The following CLCN5 variants were observed in gnomAD, a reference collection of about 807,000 sequenced individuals.
CLCN5 encodes the protein Cl-/H+ antiporter 5.
In CLCN5, 17 loss-of-function variants were observed where a neutral mutation model predicts 54.0. The observed-to-expected ratio is 0.31, with a 90% confidence interval of 0.22 to 0.47. The LOEUF (loss-of-function observed/expected upper bound fraction) is 0.47, where lower values mean the gene tolerates loss of function less well. Ranked by LOEUF, CLCN5 falls within the 20% of genes least tolerant of loss-of-function variation. The probability of loss-of-function intolerance (pLI) is 1.00; values close to 1 mark genes in which losing one functional copy is unlikely to be tolerated. For missense variants in CLCN5, 448 were observed against 646.7 expected, an observed-to-expected ratio of 0.69 and a Z score of 3.33; for synonymous variants, 222 against 233.0, an observed-to-expected ratio of 0.95 and a Z score of 0.43.
rs187172772 is a variant in CLCN5 at position 49,935,728 on chromosome X, C to T, written c.16+10414C>T. Among the ~76,000 whole-genome samples, 3 of 110,983 alleles carry T rather than the reference C, an allele frequency of 2.7e-5. No individual in the cohort carries two copies. In the Admixed American group the frequency reaches 2.9e-4, roughly 11 times the overall value. ...AGGCAGAGGAGACAAGGTGGAAATC[C>T]CTGAGGTGGGAAGAATCCCTGGGTC... On this transcript the variant is annotated intron_variant, in intron 3 of 14. Coordinates refer to ENST00000376091, the MANE Select transcript of CLCN5 (RefSeq NM_001127898.4).
chrX:49,977,095 C>A (rs1928517153), intron 3 of CLCN5, among the ~76,000 whole-genome samples: 1 of 110,947 alleles, frequency 9.0e-6, no homozygotes, highest in African/African-American at 3.3e-5. Flanking sequence ...CTGTGGTTCC[C>A]AGATTTTATT....
At chrX:49,999,254 A>G (rs781898994) in intron 3 of CLCN5, among the ~76,000 whole-genome samples, 1 of 111,125 alleles carries the variant, frequency 9.0e-6, no homozygotes, top group Non-Finnish European at 1.9e-5. Context: ...TTTGTCTCAC[A>G]TGCCTCACAC....
At position 49,979,654 on chromosome X, in the gene CLCN5, A is replaced by G. The variant is rs369771077; in HGVS notation, c.16+54340A>G. ...TCATTTTAAATGAGAAATAAAAATT[A>G]TATATATTTATCATGTATTACATGA... On this transcript the variant is annotated intron_variant, in intron 3 of 14. Transcript: ENST00000376091. 1.1e-4 allele frequency among the ~76,000 whole-genome samples: 12 copies of G among 111,566 alleles called. No individual in the cohort carries two copies. In the East Asian group the frequency reaches 2.2e-3, roughly 21 times the overall value.
At chrX:49,964,622 A>G (rs1601985474) in intron 3 of CLCN5, among the ~76,000 whole-genome samples, 1 of 111,773 alleles carries the variant, frequency 8.9e-6, no homozygotes, top group East Asian at 2.8e-4. Flanking sequence ...AAGTGGATTT[A>G]TCATGCCCTC....
At chrX:49,943,859 T>A (rs1442588811) in intron 3 of CLCN5, among the ~76,000 whole-genome samples, 1 of 111,574 alleles carries the variant, frequency 9.0e-6, no homozygotes, top group Non-Finnish European at 1.9e-5. Context: ...TTTGTTCTTT[T>A]GGCTTAGGAT....
intron 4 of CLCN5, among the ~76,000 whole-genome samples, chrX:50,046,449 A>T (rs1393630007): frequency 9.0e-6 from 1 of 111,622 alleles, no homozygotes; most frequent in African/African-American, 3.3e-5. Context: ...AGGGAGAGCA[A>T]CACAGATAAA....
chrX:50,078,991 T>A, intron 7 of CLCN5, among the ~76,000 whole-genome samples: 2 of 111,065 alleles, frequency 1.8e-5, no homozygotes, highest in South Asian at 7.7e-4. Context: ...CCCGGCTAAT[T>A]TTTTTGTATT....
At chrX:50,035,181 T>G (rs1435212205) in intron 3 of CLCN5, among the ~76,000 whole-genome samples, 1 of 111,565 alleles carries the variant, frequency 9.0e-6, no homozygotes, top group East Asian at 2.8e-4. Flanking sequence ...GAATGCCAAT[T>G]GTAACAATTT....
chrX:50,094,756 C>G lies in CLCN5; in HGVS notation c.*2537C>G, dbSNP rs1217614696. ...ATCTCATTCATTAACCTCAGCTTCT[C>G]AGGAATCCTTGTAGCTTGTATGCTA... On this transcript the variant is annotated 3_prime_UTR_variant, in exon 15 of 15. Transcript: ENST00000376091. 1.8e-5 allele frequency: 2 copies of G among 112,617 alleles called. No homozygotes were observed. The highest frequency in any genetic ancestry group is 6.5e-5 in the African/African-American group (2 of 30,893). 9.3% of individuals were successfully genotyped at this position (112,617 alleles called of 1,213,427 possible).
chrX:50,006,134 A>G (rs1269477682), intron 3 of CLCN5, among the ~76,000 whole-genome samples: 2 of 111,929 alleles, frequency 1.8e-5, no homozygotes, highest in Non-Finnish European at 3.8e-5. Flanking sequence ...CAGTTGAGAG[A>G]TGGATGGAGG....
chrX:49,991,190 C>T (rs1358485088), intron 3 of CLCN5, among the ~76,000 whole-genome samples: 2 of 112,029 alleles, frequency 1.8e-5, no homozygotes, highest in Non-Finnish European at 3.8e-5. Context: ...TAGAAGTGTT[C>T]CCTTGTCACC....
chrX:49,991,918 A>G (rs980170193), intron 3 of CLCN5, among the ~76,000 whole-genome samples: 11 of 111,987 alleles, frequency 9.8e-5, no homozygotes, highest in Non-Finnish European at 1.7e-4. Context: ...ATAGTAATCC[A>G]TGTGCAGAGG....
At chrX:49,997,490 T>G (rs1315544724) in intron 3 of CLCN5, among the ~76,000 whole-genome samples, 4 of 110,926 alleles carry the variant, frequency 3.6e-5, no homozygotes, top group Admixed American at 1.9e-4. Context: ...TAGTTTTCAA[T>G]CCATTTTGTT....
chrX:49,956,362 C>G (rs1433879950), intron 3 of CLCN5, among the ~76,000 whole-genome samples: 1 of 112,132 alleles, frequency 8.9e-6, no homozygotes, highest in African/African-American at 3.2e-5. Context: ...CCACATTTTA[C>G]TCCTCTGTGC....
At chrX:50,051,984 A>G (rs1384179308) in intron 4 of CLCN5, among the ~76,000 whole-genome samples, 3 of 111,627 alleles carry the variant, frequency 2.7e-5, no homozygotes, top group Middle Eastern at 4.2e-3. Flanking sequence ...CTGCAAATAA[A>G]GACAGTTTTA....
intron 3 of CLCN5, among the ~76,000 whole-genome samples, chrX:50,025,504 C>T (rs1219776092): frequency 9.0e-6 from 1 of 111,194 alleles, no homozygotes; most frequent in African/African-American, 3.3e-5. Flanking sequence ...GGCTCCTCCC[C>T]CTACATTAGC....
In CLCN5 at chrX:49,951,845, CAT is replaced by C. The variant is rs782227125; in HGVS notation, c.16+26532_16+26533del. On this transcript the variant is annotated intron_variant, in intron 3 of 14. Coordinates refer to ENST00000376091, the MANE Select transcript of CLCN5 (RefSeq NM_001127898.4). ...AATGGAGAGAGGTCAGATACCTTGA[CAT>C]GTGGGTTTTTTAAGGGCCCATTTAT... Among the ~76,000 whole-genome samples, 627 of 111,909 alleles carry C rather than the reference CAT, an allele frequency of 5.6e-3. 3 individuals carry two copies. Among genetic ancestry groups the C allele is most frequent in the Non-Finnish European group, 8.7e-3 (461 of 53,136 alleles).
intron 4 of CLCN5, chrX:50,069,605 C>T: frequency 1.2e-6 from 1 of 862,392 alleles, no homozygotes; most frequent in Non-Finnish European, 1.4e-6. Flanking sequence ...TTCATAAATC[C>T]TTTCCCATTG....
At chrX:49,952,763 T>C (rs1348723851) in intron 3 of CLCN5, among the ~76,000 whole-genome samples, 1 of 112,257 alleles carries the variant, frequency 8.9e-6, no homozygotes, top group African/African-American at 3.2e-5. Context: ...GTAATATGTA[T>C]TTAACCAGTT....
Sources: allele counts gnomAD v4.1 joint callset (sites outside exome capture counted in the v4.1 genomes callset), GRCh38; gene constraint gnomAD v4.1.1; transcripts MANE v1.5; gene names NCBI Gene and HGNC (gene_info 2026-07-23, HGNC 2026-07-21).